The following SLC35F3 variants were observed in gnomAD, a reference collection of about 807,000 sequenced individuals.
The protein encoded by SLC35F3 is solute carrier family 35 member F3.
SLC35F3 carries 25 observed loss-of-function variants against 49.9 expected under a neutral mutation model. That is an observed-to-expected ratio of 0.50 (90% CI 0.37 to 0.70). The LOEUF is 0.70. Among genes scored for constraint, SLC35F3 ranks in the 30% least tolerant of loss-of-function variants. SLC35F3 has a pLI of 0.00. For synonymous variants in SLC35F3, 275 were observed against 265.4 expected (o/e 1.04, Z -0.35); for missense variants, 525 against 639.8 (o/e 0.82, Z 1.94).
intron 2 of SLC35F3, among the ~76,000 whole-genome samples, chr1:234,015,405 A>C (rs2102839869): frequency 6.6e-6 from 1 of 152,254 alleles, no homozygotes. Flanking sequence ...TTGATTTCTA[A>C]CTATCTTATA....
chr1:234,268,051 G>T (rs954718110), intron 3 of SLC35F3, among the ~76,000 whole-genome samples: 2 of 151,854 alleles, frequency 1.3e-5, no homozygotes, highest in African/African-American at 4.8e-5. Flanking sequence ...CCCAGACGGG[G>T]TGGCGGCCGG....
intron 2 of SLC35F3, among the ~76,000 whole-genome samples, chr1:233,920,432 C>G (rs1462068827): frequency 6.6e-6 from 1 of 152,152 alleles, no homozygotes; most frequent in African/African-American, 2.4e-5. Context: ...GAGATGGTGA[C>G]TACTCATAAA....
rs970906939 is a variant in SLC35F3, at chr1:233,924,073, G to A, written c.283+18315G>A. Among the ~76,000 whole-genome samples, 3 of 152,256 alleles carry A rather than the reference G, an allele frequency of 2.0e-5. No homozygotes were observed. In the East Asian group the frequency reaches 5.8e-4, roughly 29 times the overall value. On this transcript the variant is annotated intron_variant, in intron 2 of 7. Transcript: ENST00000366618. ...GTATTTTATTGAGGATTTTTGCATC[G>A]TTGTTCATCAGGAATATTGGTCTAA...
rs181281271 is a variant in SLC35F3, at chr1:234,305,347, T to G, written c.609-3754T>G. Among the ~76,000 whole-genome samples the G allele has an allele frequency of 1.6e-3, 244 of 152,036 alleles. 2 individuals are homozygous for G. Among genetic ancestry groups the G allele is most frequent in the Non-Finnish European group, 2.8e-3 (189 of 68,004 alleles). ...TCTTTTACCATGTTTCTTTGAATAATTCTATTGAATAATTAAATATTCAGT... is the reference window on the plus strand; with the variant it reads ...TCTTTTACCATGTTTCTTTGAATAAGTCTATTGAATAATTAAATATTCAGT... On this transcript the variant is annotated intron_variant, in intron 3 of 7. Transcript: ENST00000366618.
In SLC35F3 at chr1:233,976,967, C is replaced by G. The variant is rs145365643; in HGVS notation, c.283+71209C>G. ...AAATGTGATACTGGTAGCCTTTTGACAATTGCTCTCACTGTGGGTTTACAG... is the reference window on the plus strand; with the variant it reads ...AAATGTGATACTGGTAGCCTTTTGAGAATTGCTCTCACTGTGGGTTTACAG... On this transcript the variant is annotated intron_variant, in intron 2 of 7. Coordinates refer to ENST00000366618, the MANE Select transcript of SLC35F3 (RefSeq NM_173508.4). Among the ~76,000 whole-genome samples, 372 of 152,334 alleles carry G rather than the reference C, an allele frequency of 2.4e-3. 2 individuals are homozygous for G. The highest frequency in any genetic ancestry group is 8.3e-3 in the African/African-American group (343 of 41,570).
chr1:234,314,194 A>G (rs1657428505), intron 4 of SLC35F3, among the ~76,000 whole-genome samples: 1 of 152,200 alleles, frequency 6.6e-6, no homozygotes, highest in Non-Finnish European at 1.5e-5. Context: ...ATGGGGTGGC[A>G]CAGGCTCCTC....
chr1:234,070,980 A>ATCCCG (rs1167335227), intron 2 of SLC35F3, among the ~76,000 whole-genome samples: 3 of 152,218 alleles, frequency 2.0e-5, no homozygotes, highest in African/African-American at 7.2e-5. Context: ...ATGCAGAGCA[A>ATCCCG]TCCCGTCTCA....
chr1:234,020,931 T>C (rs1322841122), intron 2 of SLC35F3, among the ~76,000 whole-genome samples: 2 of 152,220 alleles, frequency 1.3e-5, no homozygotes, highest in Non-Finnish European at 2.9e-5. Context: ...TACTTTGAGA[T>C]GCTCGAAATG....
chr1:234,281,496 G>A (rs1342634485), intron 3 of SLC35F3, among the ~76,000 whole-genome samples: 2 of 152,208 alleles, frequency 1.3e-5, no homozygotes, highest in Admixed American at 1.3e-4. Context: ...GTGGATCAAA[G>A]TCAGTCTCCA....
intron 2 of SLC35F3, among the ~76,000 whole-genome samples, chr1:234,065,437 G>A (rs528319960): frequency 9.1e-4 from 138 of 152,272 alleles, no homozygotes; most frequent in African/African-American, 2.4e-3. Flanking sequence ...GTGAGCCACC[G>A]CGCCAGGCCC....
intron 2 of SLC35F3, among the ~76,000 whole-genome samples, chr1:234,124,206 C>T (rs1384985591): frequency 1.3e-5 from 2 of 152,198 alleles, no homozygotes; most frequent in Non-Finnish European, 2.9e-5. Flanking sequence ...ACCCAAAGAG[C>T]AGTGCTCTCC....
intron 2 of SLC35F3, among the ~76,000 whole-genome samples, chr1:233,942,894 C>T (rs1383838126): frequency 6.6e-6 from 1 of 152,214 alleles, no homozygotes; most frequent in Admixed American, 6.5e-5. Context: ...CACCATTCTA[C>T]TCTCTGCTTC....
Position 234,206,498 on chromosome 1 carries a change from C to CGG in SLC35F3, c.284-24911_284-24910dup, listed in dbSNP as rs369785955. On this transcript the variant is annotated intron_variant, in intron 2 of 7. Transcript: ENST00000366618. ...ACTATTTCCAAGGGACGCTATTTCC[C>CGG]GGGGGGGGGCTATTTCCAGGGCTCA... is the stretch of plus-strand genomic sequence containing the variant. Among the ~76,000 whole-genome samples, 794 of 79,726 alleles carry CGG rather than the reference C, an allele frequency of 1.0e-2. 5 individuals carry two copies. Among genetic ancestry groups the CGG allele is most frequent in the Non-Finnish European group, 0.017 (681 of 40,294 alleles). 52.3% of individuals were successfully genotyped at this position (79,726 alleles called of 152,430 possible).
intron 2 of SLC35F3, among the ~76,000 whole-genome samples, chr1:234,206,001 G>A (rs902516697): frequency 1.3e-5 from 2 of 152,188 alleles, no homozygotes; most frequent in African/African-American, 4.8e-5. Context: ...TGTGGATGAG[G>A]AGGATGGTGT....
At chr1:234,105,220 T>C (rs1665268131) in intron 2 of SLC35F3, among the ~76,000 whole-genome samples, 1 of 151,860 alleles carries the variant, frequency 6.6e-6, no homozygotes, top group African/African-American at 2.4e-5. Flanking sequence ...AAAGGAATAT[T>C]CTCCAATTCT....
In SLC35F3 at chr1:234,318,744, C is replaced by A; in HGVS notation, c.955-7C>A. On this transcript the variant is annotated splice_polypyrimidine_tract_variant and splice_region_variant and intron_variant, in intron 5 of 7. Transcript: ENST00000366618. ...TTCACCCCGTCCTCCTCTGCTTTCT[C>A]CTACAGGTTTTGTTCAAGCTCCTCC... 2.5e-6 allele frequency: 4 copies of A among 1,612,924 alleles called. No individual in the cohort carries two copies. The highest frequency in any genetic ancestry group is 3.4e-6 in the Non-Finnish European group (4 of 1,179,440).
At chr1:234,259,587 T>C (rs1224815223) in intron 3 of SLC35F3, among the ~76,000 whole-genome samples, 9 of 151,862 alleles carry the variant, frequency 5.9e-5, no homozygotes, top group Non-Finnish European at 7.4e-5. Flanking sequence ...GACAGGAAAA[T>C]TGCTTGAACC....
intron 2 of SLC35F3, among the ~76,000 whole-genome samples, chr1:234,179,515 A>G (rs150264611): frequency 5.3e-5 from 8 of 152,302 alleles, no homozygotes; most frequent in Admixed American, 1.3e-4. Context: ...AGTCCAGGGT[A>G]ATTCGCATAT....
chr1:233,925,687 G>C (rs1662145615), intron 2 of SLC35F3, among the ~76,000 whole-genome samples: 2 of 152,126 alleles, frequency 1.3e-5, no homozygotes, highest in Non-Finnish European at 2.9e-5. Context: ...GATGTTAGCT[G>C]GTTATTTTGC....
Sources: gnomAD v4.1 joint callset for allele counts (sites outside exome capture counted in the v4.1 genomes callset) on GRCh38, gnomAD v4.1.1 for gene constraint, MANE v1.5 for transcripts, NCBI Gene and HGNC (gene_info 2026-07-23, HGNC 2026-07-21) for gene names.